The following PTPRD variants were observed in gnomAD, a reference collection of about 807,000 sequenced individuals.
The protein encoded by PTPRD is protein tyrosine phosphatase receptor type D.
PTPRD carries 34 observed loss-of-function variants against 214.5 expected under a neutral mutation model. The ratio of observed to expected loss-of-function variants is 0.16; its 90% CI spans 0.12 to 0.21. The LOEUF is 0.21. PTPRD is among the 10% of genes least tolerant of loss of function. The pLI, the probability that PTPRD is intolerant of heterozygous loss-of-function variation, is 1.00. For synonymous variants in PTPRD, 1,128 were observed against 845.7 expected (o/e 1.33, Z -5.79); for missense variants, 2,545 against 2,398.7 (o/e 1.06, Z -1.27).
chr9:8,692,177 TAAGTA>T, intron 12 of PTPRD, among the ~76,000 whole-genome samples: 1 of 152,016 alleles, frequency 6.6e-6, no homozygotes, highest in Non-Finnish European at 1.5e-5. Flanking sequence ...GAAAATAAAC[TAAGTA>T]AAGAGCCAGC....
chr9:8,836,821 C>T (rs2097435637), intron 11 of PTPRD, among the ~76,000 whole-genome samples: 1 of 151,696 alleles, frequency 6.6e-6, no homozygotes, highest in Admixed American at 6.6e-5. Context: ...TGGTCTTGAT[C>T]TCCTGACCTC....
chr9:9,879,200 T>G (rs1337192587), intron 5 of PTPRD, among the ~76,000 whole-genome samples: 1 of 152,234 alleles, frequency 6.6e-6, no homozygotes, highest in African/African-American at 2.4e-5. Context: ...CCCTTTTTTC[T>G]TTTGTTTATT....
At chr9:10,418,532 T>C (rs1315028755) in intron 2 of PTPRD, among the ~76,000 whole-genome samples, 1 of 150,792 alleles carries the variant, frequency 6.6e-6, no homozygotes, top group Non-Finnish European at 1.5e-5. Flanking sequence ...ATTTTCTCCA[T>C]AGCATTTATC....
intron 14 of PTPRD, among the ~76,000 whole-genome samples, chr9:8,564,593 CAG>C (rs1399803686): frequency 4.6e-5 from 7 of 152,050 alleles, no homozygotes; most frequent in African/African-American, 1.7e-4. Flanking sequence ...TCCCGCTACT[CAG>C]GGGCTGAGGC....
At chr9:9,326,745 AAATAT>A (rs1004783260) in intron 9 of PTPRD, among the ~76,000 whole-genome samples, 9 of 152,224 alleles carry the variant, frequency 5.9e-5, no homozygotes, top group Admixed American at 5.2e-4. Context: ...TCTCAAACAG[AAATAT>A]GCAGGCATCC....
chr9:10,060,616 T>C (rs1289930198), intron 3 of PTPRD, among the ~76,000 whole-genome samples: 2 of 152,106 alleles, frequency 1.3e-5, no homozygotes, highest in East Asian at 3.9e-4. Flanking sequence ...AAATTGCATT[T>C]TTAATTGCCA....
intron 3 of PTPRD, among the ~76,000 whole-genome samples, chr9:10,177,001 T>C (rs1442032049): frequency 6.6e-6 from 1 of 151,942 alleles, no homozygotes; most frequent in Non-Finnish European, 1.5e-5. Context: ...TTTTTGCTCA[T>C]CCATGTAACC....
At chr9:10,159,371 T>C (rs2099113265) in intron 3 of PTPRD, among the ~76,000 whole-genome samples, 2 of 151,012 alleles carry the variant, frequency 1.3e-5, no homozygotes, top group African/African-American at 4.9e-5. Flanking sequence ...ATATTGCAAA[T>C]ATATCTAAGC....
intron 7 of PTPRD, among the ~76,000 whole-genome samples, chr9:9,653,370 AAAAAAAAAAAAAAAAAG>A (rs2154374477): frequency 6.8e-6 from 1 of 147,982 alleles, no homozygotes; most frequent in Non-Finnish European, 1.5e-5. Context: ...AAAAAAAAAA[AAAAAAAAAAAAAAAAAG>A]TGCCTCATTC....
intron 12 of PTPRD, among the ~76,000 whole-genome samples, chr9:8,703,237 T>G (rs942617258): frequency 6.6e-6 from 1 of 152,190 alleles, no homozygotes; most frequent in African/African-American, 2.4e-5. Context: ...TGAAGAAATA[T>G]GATAAAGTCT....
At chr9:9,891,350 T>C (rs2073256611) in intron 5 of PTPRD, among the ~76,000 whole-genome samples, 1 of 151,130 alleles carries the variant, frequency 6.6e-6, no homozygotes, top group Non-Finnish European at 1.5e-5. Flanking sequence ...TTGAAAGTAA[T>C]AAATGGCATC....
intron 3 of PTPRD, among the ~76,000 whole-genome samples, chr9:10,076,568 T>A (rs2098134915): frequency 6.6e-6 from 1 of 152,102 alleles, no homozygotes; most frequent in African/African-American, 2.4e-5. Flanking sequence ...CACTGTTTGG[T>A]GCTTCTTGGA....
intron 11 of PTPRD, among the ~76,000 whole-genome samples, chr9:8,887,792 TA>T (rs1321830012): frequency 6.6e-6 from 1 of 152,196 alleles, no homozygotes; most frequent in Non-Finnish European, 1.5e-5. Flanking sequence ...AATTGCCATT[TA>T]AAACTTTAGA....
At chr9:8,980,262 C>G (rs1017257026) in intron 11 of PTPRD, among the ~76,000 whole-genome samples, 7 of 151,716 alleles carry the variant, frequency 4.6e-5, no homozygotes, top group Non-Finnish European at 1.0e-4. Context: ...AGCTGTGGGA[C>G]AAAGGATACA....
intron 3 of PTPRD, among the ~76,000 whole-genome samples, chr9:10,202,677 T>G (rs917002664): frequency 2.0e-4 from 28 of 138,940 alleles, no homozygotes; most frequent in African/African-American, 6.9e-4. Context: ...TATGGATATA[T>G]ATATATATAT....
intron 2 of PTPRD, among the ~76,000 whole-genome samples, chr9:10,573,719 T>C (rs1294872796): frequency 6.6e-6 from 1 of 151,966 alleles, no homozygotes; most frequent in Admixed American, 6.6e-5. Flanking sequence ...AGTATTTGTA[T>C]CTCAAGTATT....
chr9:9,844,287 A>T (rs1056506514), intron 5 of PTPRD, among the ~76,000 whole-genome samples: 11 of 152,020 alleles, frequency 7.2e-5, no homozygotes. Context: ...ATCATCACCC[A>T]TGCTGTACAT....
intron 3 of PTPRD, among the ~76,000 whole-genome samples, chr9:10,103,454 T>C (rs911658586): frequency 6.8e-6 from 1 of 146,422 alleles, no homozygotes; most frequent in African/African-American, 2.5e-5. Flanking sequence ...CATTCCACTA[T>C]GGTTTAATTA....
At chr9:10,076,779 C>T (rs2098138312) in intron 3 of PTPRD, among the ~76,000 whole-genome samples, 1 of 152,158 alleles carries the variant, frequency 6.6e-6, no homozygotes, top group South Asian at 2.1e-4. Flanking sequence ...ATCACGCTGA[C>T]ATGCTCTCTT....
Sources: gnomAD v4.1 joint callset for allele counts (sites outside exome capture counted in the v4.1 genomes callset) on GRCh38, gnomAD v4.1.1 for gene constraint, MANE v1.5 for transcripts, NCBI Gene and HGNC (gene_info 2026-07-23, HGNC 2026-07-21) for gene names.